ARHGAP18: variants seen among roughly 807,000 people sequenced by gnomAD.
ARHGAP18 encodes Rho GTPase activating protein 18.
A neutral mutation model predicts 86.2 loss-of-function variants in ARHGAP18; 67 were observed. That is an observed-to-expected ratio of 0.78 (90% CI 0.64 to 0.95). The LOEUF (loss-of-function observed/expected upper bound fraction) is 0.95. Among genes scored for constraint, ARHGAP18 ranks in the 40% least tolerant of loss-of-function variants. The pLI, the probability that ARHGAP18 is intolerant of heterozygous loss-of-function variation, is 0.00. For synonymous variants in ARHGAP18, 283 were observed against 280.4 expected (o/e 1.01, Z -0.09); for missense variants, 691 against 780.4 (o/e 0.89, Z 1.37).
intron 1 of ARHGAP18, among the ~76,000 whole-genome samples, chr6:129,645,135 CG>C (rs1288773326): frequency 6.6e-6 from 1 of 152,078 alleles, no homozygotes; most frequent in East Asian, 1.9e-4. Flanking sequence ...CAACCTGCCA[CG>C]TATTTTTTAA....
At chr6:129,661,358 TTAA>T (rs1452716382) in intron 1 of ARHGAP18, among the ~76,000 whole-genome samples, 6 of 151,292 alleles carry the variant, frequency 4.0e-5, no homozygotes, top group South Asian at 4.2e-4. Context: ...GATAATTTGT[TTAA>T]TAATAATTTG....
At chr6:129,639,079 G>A (rs1773393532) in intron 2 of ARHGAP18, among the ~76,000 whole-genome samples, 1 of 152,182 alleles carries the variant, frequency 6.6e-6, no homozygotes, top group South Asian at 2.1e-4. Flanking sequence ...CACTGTAGCT[G>A]ACAGGAAGTG....
At chr6:129,619,685 G>C (rs1166688369) in intron 5 of ARHGAP18, among the ~76,000 whole-genome samples, 1 of 149,014 alleles carries the variant, frequency 6.7e-6, no homozygotes, top group Non-Finnish European at 1.5e-5. Context: ...AAGAAGACAA[G>C]TAGGGGGGAG....
intron 1 of ARHGAP18, among the ~76,000 whole-genome samples, chr6:129,692,152 T>C (rs1177422011): frequency 1.3e-5 from 2 of 152,250 alleles, no homozygotes; most frequent in Non-Finnish European, 2.9e-5. Flanking sequence ...TGACAACCTC[T>C]GGGCCTACTG....
At chr6:129,628,071 C>A (rs568083897) in intron 5 of ARHGAP18, among the ~76,000 whole-genome samples, 2 of 152,034 alleles carry the variant, frequency 1.3e-5, no homozygotes. Flanking sequence ...GTTCAGAATA[C>A]CATTTTTTTA....
intron 3 of ARHGAP18, among the ~76,000 whole-genome samples, chr6:129,637,852 A>C (rs955381721): frequency 6.6e-6 from 1 of 152,138 alleles, no homozygotes; most frequent in Non-Finnish European, 1.5e-5. Context: ...TCTTTACCCA[A>C]TTAAATTCTG....
chr6:129,645,088 G>A (rs1773550718), intron 1 of ARHGAP18, among the ~76,000 whole-genome samples: 1 of 152,108 alleles, frequency 6.6e-6, no homozygotes, highest in African/African-American at 2.4e-5. Context: ...GGAGTGGGAA[G>A]GAGACAGCCA....
intron 12 of ARHGAP18, among the ~76,000 whole-genome samples, chr6:129,590,618 A>G (rs1319439014): frequency 1.3e-5 from 2 of 152,196 alleles, no homozygotes; most frequent in Non-Finnish European, 2.9e-5. Flanking sequence ...CTTTGAGCTC[A>G]GCAAGAACCC....
At chr6:129,638,861 A>T (rs986979303) in intron 2 of ARHGAP18, among the ~76,000 whole-genome samples, 1 of 152,232 alleles carries the variant, frequency 6.6e-6, no homozygotes, top group African/African-American at 2.4e-5. Flanking sequence ...ACATGTAATT[A>T]ACCTCTATAA....
At position 129,639,231 on chromosome 6, in the gene ARHGAP18, A is replaced by C. The variant is rs74487466; in HGVS notation, c.317-602T>G. ...ACAATATATCCAGCAAAAAAAACTT[A>C]TATAGGAAGATAATCAAACAACAAT... On this transcript the variant is annotated intron_variant, in intron 2 of 14. Coordinates refer to ENST00000368149, the MANE Select transcript of ARHGAP18 (RefSeq NM_033515.3). Among the ~76,000 whole-genome samples, 860 of 152,344 alleles carry C rather than the reference A, an allele frequency of 5.6e-3. 9 individuals carry two copies. The highest frequency in any genetic ancestry group is 0.02 in the African/African-American group (827 of 41,572).
chr6:129,635,485 C>T lies in ARHGAP18; in HGVS notation c.553-1380G>A, dbSNP rs147525467. On this transcript the variant is annotated intron_variant, in intron 3 of 14. Coordinates refer to ENST00000368149, the MANE Select transcript of ARHGAP18 (RefSeq NM_033515.3). ...ATTCTCCTTCCCTCCTCCCACAAGC[C>T]GGCAGAGGCTGGCCCTGCATGGCAC... 4.8e-3 allele frequency among the ~76,000 whole-genome samples: 733 copies of T among 152,298 alleles called. 8 individuals are homozygous for T. The highest frequency in any genetic ancestry group is 0.016 in the African/African-American group (677 of 41,560).
Position 129,609,459 on chromosome 6 carries a change from T to C in ARHGAP18, c.1123-1407A>G, listed in dbSNP as rs17057516. The stretch of plus-strand genomic sequence containing the variant: ...ATTCACTATTCTGTACTGAAGTAAA[T>C]GTATTTTTGCCTCCTGTGAGCTGGC... On this transcript the variant is annotated intron_variant, in intron 8 of 14. Transcript: ENST00000368149. 6.0e-3 allele frequency among the ~76,000 whole-genome samples: 915 copies of C among 152,264 alleles called. 66 individuals are homozygous for C. The East Asian group carries it at 0.16, about 26-fold the overall frequency.
intron 12 of ARHGAP18, 59 bp from the exon 13 acceptor site, chr6:129,584,171 C>G (rs1788345525): frequency 2.5e-6 from 4 of 1,605,260 alleles, no homozygotes; most frequent in Non-Finnish European, 3.4e-6. Flanking sequence ...TGTAACTCTA[C>G]AATGCATTAT....
chr6:129,660,428 A>G (rs181326455), intron 1 of ARHGAP18, among the ~76,000 whole-genome samples: 81 of 152,316 alleles, frequency 5.3e-4, no homozygotes, highest in African/African-American at 1.9e-3. Context: ...AGAAACAAAG[A>G]TGATTCCACA....
At chr6:129,637,494 T>C (rs1291122406) in intron 3 of ARHGAP18, among the ~76,000 whole-genome samples, 1 of 152,242 alleles carries the variant, frequency 6.6e-6, no homozygotes, top group Non-Finnish European at 1.5e-5. Context: ...GTGCTAAGGC[T>C]AGACACCTTA....
At chr6:129,591,347 G>A (rs908807612) in intron 12 of ARHGAP18, among the ~76,000 whole-genome samples, 1 of 151,996 alleles carries the variant, frequency 6.6e-6, no homozygotes, top group African/African-American at 2.4e-5. Flanking sequence ...TTCCCATTGA[G>A]ATAGGGGAGG....
chr6:129,605,561 C>CA (rs1426118868), intron 10 of ARHGAP18, among the ~76,000 whole-genome samples: 23 of 148,792 alleles, frequency 1.5e-4, no homozygotes, highest in African/African-American at 4.5e-4. Flanking sequence ...TTGATAAATG[C>CA]AAAAAAAAGA....
Position 129,618,809 on chromosome 6 carries a change from C to T in ARHGAP18, c.830G>A (p.Gly277Asp). 6.2e-7 allele frequency: 1 copy of T among 1,613,210 alleles called. No homozygotes were observed. The highest frequency in any genetic ancestry group is 1.3e-5 in the African/African-American group (1 of 75,014). ...PKDKTGTTRI[G>D]DLAPQDMKKV... ...CTTCATGTCCTGGGGTGCGAGGTCACCAATCCTTGTGGTACCCGTTTTGTC... is the reference window on the plus strand; with the variant it reads ...CTTCATGTCCTGGGGTGCGAGGTCATCAATCCTTGTGGTACCCGTTTTGTC... Residue 277 changes from glycine to aspartate, a missense_variant, in exon 6 of 15, where the codon GGT becomes GAT. Gly to Asp is a moderately conservative substitution (Grantham distance 94, BLOSUM62 -1). Coordinates refer to ENST00000368149, the MANE Select transcript of ARHGAP18 (RefSeq NM_033515.3).
chr6:129,616,773 G>C (rs1466674368), intron 6 of ARHGAP18, among the ~76,000 whole-genome samples: 1 of 152,022 alleles, frequency 6.6e-6, no homozygotes, highest in Non-Finnish European at 1.5e-5. Context: ...GGGCAACATA[G>C]CAAGACTTTA....
Sources: gnomAD v4.1 joint callset for allele counts (sites outside exome capture counted in the v4.1 genomes callset) on GRCh38, gnomAD v4.1.1 for gene constraint, MANE v1.5 for transcripts, NCBI Gene and HGNC (gene_info 2026-07-23, HGNC 2026-07-21) for gene names.